The following PALS2 variants were observed in gnomAD, a reference collection of about 807,000 sequenced individuals.
PALS2 encodes protein PALS2.
In PALS2, 27 loss-of-function variants were observed where a neutral mutation model predicts 61.6. The observed-to-expected ratio is 0.44, with a 90% CI of 0.32 to 0.60. The LOEUF (loss-of-function observed/expected upper bound fraction) is 0.60. Among genes scored for constraint, PALS2 ranks in the 20% least tolerant of loss-of-function variants. PALS2 has a pLI of 0.05. For missense variants in PALS2, 554 were observed against 639.4 expected, an observed-to-expected ratio of 0.87 and a Z score of 1.44; for synonymous variants, 236 against 218.6, an observed-to-expected ratio of 1.08 and a Z score of -0.70.
chr7:24,587,828 A>G (rs893963335), intron 1 of PALS2, among the ~76,000 whole-genome samples: 1 of 152,214 alleles, frequency 6.6e-6, no homozygotes, highest in African/African-American at 2.4e-5. Flanking sequence ...TACTGTCTCT[A>G]GAAAGCCAGA....
chr7:24,605,340 AACT>A (rs1334764257), intron 1 of PALS2, among the ~76,000 whole-genome samples: 6 of 152,140 alleles, frequency 3.9e-5, no homozygotes, highest in African/African-American at 1.4e-4. Context: ...ACGCTAAATA[AACT>A]ACACTCATCC....
At chr7:24,639,783 G>A (rs2721790) in intron 2 of PALS2, among the ~76,000 whole-genome samples, 62,594 of 138,220 alleles carry the variant, frequency 0.45, 16,298 homozygotes, top group African/African-American at 0.73. Context: ...AAATTTACCC[G>A]TTTTCATTTT....
chr7:24,636,009 C>T (rs1167041400), intron 2 of PALS2, among the ~76,000 whole-genome samples: 2 of 151,840 alleles, frequency 1.3e-5, no homozygotes, highest in East Asian at 1.9e-4. Context: ...GTCAAGAGTT[C>T]GAGTCCAGCC....
In PALS2 at chr7:24,683,229, C is replaced by G. The variant is rs1788025340; in HGVS notation, c.1446+2709C>G. On this transcript the variant is annotated intron_variant, in intron 11 of 11. Coordinates refer to ENST00000222644, the MANE Select transcript of PALS2 (RefSeq NM_001303037.2). Reference sequence around the variant, plus strand: ...TATAAACTAGAATTCTTAAGAAGAACTTTTCCTCATCAAGTAGTTGATTAT... The same window carrying G: ...TATAAACTAGAATTCTTAAGAAGAAGTTTTCCTCATCAAGTAGTTGATTAT... 2.6e-5 allele frequency among the ~76,000 whole-genome samples: 4 copies of G among 152,152 alleles called. No individual in the cohort carries two copies. The South Asian group carries it at 8.3e-4, about 31-fold the overall frequency.
intron 9 of PALS2, among the ~76,000 whole-genome samples, chr7:24,670,974 T>C (rs1787267206): frequency 6.6e-6 from 1 of 152,252 alleles, no homozygotes; most frequent in African/African-American, 2.4e-5. Context: ...TTGTGAATAA[T>C]GCTACACTCA....
intron 2 of PALS2, chr7:24,624,253 G>T (rs980831721): frequency 2.1e-5 from 12 of 565,224 alleles, no homozygotes; most frequent in Middle Eastern, 1.3e-3. Context: ...GTCAACTCTG[G>T]AGTAATCTCT....
chr7:24,592,784 A>G lies in PALS2; in HGVS notation c.-3+19191A>G, dbSNP rs79218896. Among the ~76,000 whole-genome samples the G allele has an allele frequency of 9.3e-4, 142 of 152,276 alleles. 1 individual carries two copies. In the East Asian group the frequency reaches 0.024, roughly 26 times the overall value. On this transcript the variant is annotated intron_variant, in intron 1 of 11. Transcript: ENST00000222644. ...AAAATGTACATACCTTGATTTAAAA[A>G]TACTTTAAAGCTTAAAAATGCTAGT...
chr7:24,668,977 A>G (rs1562654850), intron 9 of PALS2, among the ~76,000 whole-genome samples: 1 of 152,186 alleles, frequency 6.6e-6, no homozygotes, highest in African/African-American at 2.4e-5. Flanking sequence ...ACTGATGTCT[A>G]TCTAAAAAGT....
rs572844727 is a variant in PALS2, at chr7:24,681,325, T to C, written c.1446+805T>C. Among the ~76,000 whole-genome samples, 11 of 152,286 alleles carry C rather than the reference T, an allele frequency of 7.2e-5. No homozygotes were observed. The East Asian group carries it at 2.1e-3, about 29-fold the overall frequency. ...AGCTTCAATAATCGTGGCAATTTCT[T>C]GTTTTAATTAGACCCCTCCCCACTT... On this transcript the variant is annotated intron_variant, in intron 11 of 11. Transcript: ENST00000222644.
chr7:24,663,642 C>G lies in PALS2; in HGVS notation c.704C>G (p.Pro235Arg). 6.3e-7 allele frequency: 1 copy of G among 1,596,430 alleles called. No homozygotes were observed. The change falls in exon 6 of 12, where the codon CCT becomes CGT. Residue 235 changes from proline to arginine, a missense_variant. Coordinates refer to ENST00000222644, the MANE Select transcript of PALS2 (RefSeq NM_001303037.2). Reference protein sequence around the residue: ...DYNPYNDNLIPCKEAGLKFSK... With the variant: ...DYNPYNDNLIRCKEAGLKFSK... ...AATCCATACAATGACAACCTAATAC[C>G]TTGCAAAGAAGCAGGATTGAAGTTT... is the stretch of plus-strand genomic sequence containing the variant.
At chr7:24,594,246 A>G (rs529846963) in intron 1 of PALS2, among the ~76,000 whole-genome samples, 3 of 151,986 alleles carry the variant, frequency 2.0e-5, no homozygotes, top group African/African-American at 4.8e-5. Context: ...CTTACTCTGG[A>G]TTAGGCTTTG....
intron 2 of PALS2, among the ~76,000 whole-genome samples, chr7:24,632,911 C>A (rs1175188758): frequency 2.6e-5 from 4 of 151,588 alleles, no homozygotes; most frequent in Non-Finnish European, 2.9e-5. Context: ...AAAAAAAAAA[C>A]TTTTTAGCAG....
At chr7:24,666,210 G>A in intron 8 of PALS2, 121 bp downstream of exon 8, 1 of 805,584 alleles carries the variant, frequency 1.2e-6, no homozygotes, top group Non-Finnish European at 2.0e-6. Flanking sequence ...TAGTTGCAAG[G>A]GGCTGACATA....
chr7:24,682,458 C>T (rs748392251), intron 11 of PALS2, among the ~76,000 whole-genome samples: 1 of 152,210 alleles, frequency 6.6e-6, no homozygotes, highest in Non-Finnish European at 1.5e-5. Flanking sequence ...GGACTCAGCT[C>T]TGTCCTCAAC....
intron 2 of PALS2, among the ~76,000 whole-genome samples, chr7:24,627,070 C>G (rs1784780173): frequency 6.6e-6 from 1 of 152,148 alleles, no homozygotes; most frequent in South Asian, 2.1e-4. Flanking sequence ...AATATACATT[C>G]CTCTCAGCGC....
rs1399263204 is a variant in PALS2 at position 24,667,300 on chromosome 7, C to T, written c.953-1199C>T. The stretch of plus-strand genomic sequence containing the variant: ...ATTTTGGGTTATGTTTCTAGTGAAA[C>T]AGTTGGATCTAAAATTTATTTTATA... On this transcript the variant is annotated intron_variant, in intron 8 of 11. Coordinates refer to ENST00000222644, the MANE Select transcript of PALS2 (RefSeq NM_001303037.2). Among the ~76,000 whole-genome samples the T allele has an allele frequency of 2.0e-5, 3 of 152,032 alleles. No individual in the cohort carries two copies. The East Asian group carries it at 5.8e-4, about 29-fold the overall frequency.
chr7:24,688,367 T>C lies in PALS2; in HGVS notation c.*753T>C, dbSNP rs1202296314. 2.6e-5 allele frequency: 4 copies of C among 152,224 alleles called. No individual in the cohort carries two copies. The highest frequency in any genetic ancestry group is 9.6e-5 in the African/African-American group (4 of 41,466). 9.4% of individuals were successfully genotyped at this position (152,224 alleles called of 1,614,324 possible). On this transcript the variant is annotated 3_prime_UTR_variant, in exon 12 of 12. Coordinates refer to ENST00000222644, the MANE Select transcript of PALS2 (RefSeq NM_001303037.2). ...ACATGTACACAGTAAGCTCTGGGGC[T>C]GGAAGCAAGGTCATGCAGACTGAGA...
At chr7:24,632,750 C>T (rs961253672) in intron 2 of PALS2, among the ~76,000 whole-genome samples, 1 of 152,126 alleles carries the variant, frequency 6.6e-6, no homozygotes, top group Admixed American at 6.6e-5. Context: ...ATTCGATTAA[C>T]GTCTTTCATA....
chr7:24,659,661 G>A (rs373212283), intron 5 of PALS2, among the ~76,000 whole-genome samples: 5 of 152,114 alleles, frequency 3.3e-5, no homozygotes, highest in Admixed American at 1.3e-4. Context: ...TGTGAATTAC[G>A]AAGGTTTTTC....
Sources: gnomAD v4.1 joint callset for allele counts (sites outside exome capture counted in the v4.1 genomes callset) on GRCh38, gnomAD v4.1.1 for gene constraint, MANE v1.5 for transcripts, NCBI Gene and HGNC (gene_info 2026-07-23, HGNC 2026-07-21) for gene names.